The following GPC6 variants were observed in gnomAD, a reference collection of about 807,000 sequenced individuals.
GPC6 encodes the protein glypican 6, also known as glypican-6.
In GPC6, 14 loss-of-function variants were observed where a neutral mutation model predicts 55.2. That is an observed-to-expected ratio of 0.25 (90% CI 0.17 to 0.40). The LOEUF is 0.40. Among genes scored for constraint, GPC6 ranks in the 10% least tolerant of loss-of-function variants. GPC6 has a pLI of 1.00. For synonymous variants in GPC6, 278 were observed against 259.6 expected, an observed-to-expected ratio of 1.07 and a Z score of -0.68; for missense variants, 641 against 708.5, an observed-to-expected ratio of 0.90 and a Z score of 1.08.
At chr13:94,017,547 A>T (rs1882516596) in intron 3 of GPC6, among the ~76,000 whole-genome samples, 1 of 152,288 alleles carries the variant, frequency 6.6e-6, no homozygotes, top group East Asian at 1.9e-4. Context: ...ATTCAAAATT[A>T]TCTCCTAGGC....
At chr13:93,805,722 C>A (rs1886524432) in intron 2 of GPC6, among the ~76,000 whole-genome samples, 1 of 152,122 alleles carries the variant, frequency 6.6e-6, no homozygotes, top group East Asian at 1.9e-4. Flanking sequence ...TTGATCATCC[C>A]CTCCAATCTT....
chr13:94,286,281 GT>G, intron 4 of GPC6, 67 bp from the exon 5 acceptor site: 1 of 1,560,578 alleles, frequency 6.4e-7, no homozygotes, highest in Non-Finnish European at 8.8e-7. Flanking sequence ...TTTTAACAAT[GT>G]TTAAACACAG....
At chr13:93,330,525 CA>C (rs10709603) in intron 1 of GPC6, among the ~76,000 whole-genome samples, 29,428 of 144,030 alleles carry the variant, frequency 0.2, 3,617 homozygotes, top group East Asian at 0.42. Context: ...GACTCTGTTT[CA>C]AAAAAAAAAA....
At chr13:93,537,451 A>G (rs1882105518) in intron 1 of GPC6, among the ~76,000 whole-genome samples, 1 of 152,226 alleles carries the variant, frequency 6.6e-6, no homozygotes, top group Non-Finnish European at 1.5e-5. Context: ...CTTTGTGGAC[A>G]TCAATCAGTT....
At chr13:94,168,969 G>A (rs1180896938) in intron 4 of GPC6, among the ~76,000 whole-genome samples, 3 of 152,102 alleles carry the variant, frequency 2.0e-5, no homozygotes, top group African/African-American at 7.2e-5. Context: ...GTGGGCGTGG[G>A]GATAGAAGTT....
intron 1 of GPC6, among the ~76,000 whole-genome samples, chr13:93,277,497 C>T (rs1686228010): frequency 6.6e-6 from 1 of 152,168 alleles, no homozygotes; most frequent in African/African-American, 2.4e-5. Flanking sequence ...AATGCTTTCA[C>T]TTCACAAAAA....
At chr13:93,260,603 G>T (rs1322629362) in intron 1 of GPC6, among the ~76,000 whole-genome samples, 1 of 151,986 alleles carries the variant, frequency 6.6e-6, no homozygotes, top group Non-Finnish European at 1.5e-5. Flanking sequence ...CTAGAACATT[G>T]TTGTATTTAA....
At chr13:93,454,086 T>A (rs1484562198) in intron 1 of GPC6, among the ~76,000 whole-genome samples, 1 of 152,060 alleles carries the variant, frequency 6.6e-6, no homozygotes, top group Non-Finnish European at 1.5e-5. Flanking sequence ...ACACAAAGGT[T>A]CTCCAAGGCC....
intron 2 of GPC6, among the ~76,000 whole-genome samples, chr13:93,600,949 CAAAAA>C (rs1196219049): frequency 3.7e-5 from 1 of 27,024 alleles, no homozygotes. Context: ...AATTCCGCCT[CAAAAA>C]AAAAAAAAAA....
intron 4 of GPC6, among the ~76,000 whole-genome samples, chr13:94,116,563 CCTGT>C: frequency 6.6e-6 from 1 of 152,040 alleles, no homozygotes; most frequent in African/African-American, 2.4e-5. Flanking sequence ...TGGTTTCTTT[CCTGT>C]CATATTATCC....
chr13:94,192,539 C>T (rs957325671), intron 4 of GPC6, among the ~76,000 whole-genome samples: 1 of 152,162 alleles, frequency 6.6e-6, no homozygotes, highest in Non-Finnish European at 1.5e-5. Flanking sequence ...GATTAGTCAA[C>T]GTGCCAGTAA....
Position 94,188,800 on chromosome 13 carries a change from C to T in GPC6, c.878-97549C>T, listed in dbSNP as rs1203921184. On this transcript the variant is annotated intron_variant, in intron 4 of 8. Transcript: ENST00000377047. ...GGTGACCGATTTGTTATCAGAGCTC[C>T]TTCATACTAAAGAAAGAGAGACTGA... 2.6e-5 allele frequency among the ~76,000 whole-genome samples: 4 copies of T among 152,136 alleles called. No homozygotes were observed. The East Asian group carries it at 7.7e-4, about 29-fold the overall frequency.
At chr13:94,295,445 G>A (rs978800589) in intron 5 of GPC6, among the ~76,000 whole-genome samples, 22 of 152,078 alleles carry the variant, frequency 1.4e-4, no homozygotes, top group Admixed American at 1.1e-3. Context: ...ACCTAAGGTC[G>A]GAAGATCAGA....
chr13:93,353,065 C>T (rs1880688793), intron 1 of GPC6, among the ~76,000 whole-genome samples: 1 of 152,064 alleles, frequency 6.6e-6, no homozygotes, highest in East Asian at 1.9e-4. Context: ...ATTGCATGTA[C>T]TTCTTTACAT....
chr13:93,657,931 A>C (rs949110858), intron 2 of GPC6, among the ~76,000 whole-genome samples: 1 of 152,062 alleles, frequency 6.6e-6, no homozygotes, highest in Non-Finnish European at 1.5e-5. Context: ...CAGAATGGCT[A>C]TTTAAAATAA....
intron 1 of GPC6, among the ~76,000 whole-genome samples, chr13:93,287,150 A>C (rs1005814799): frequency 2.6e-5 from 4 of 152,164 alleles, no homozygotes; most frequent in African/African-American, 9.7e-5. Context: ...ACAAAATCTG[A>C]ACATGTCTGA....
chr13:94,179,668 G>T (rs920841176), intron 4 of GPC6, among the ~76,000 whole-genome samples: 7 of 152,106 alleles, frequency 4.6e-5, no homozygotes, highest in Non-Finnish European at 1.0e-4. Flanking sequence ...CAAGCTTTTT[G>T]ACAGGCTTTC....
intron 1 of GPC6, among the ~76,000 whole-genome samples, chr13:93,292,290 T>A (rs1199404908): frequency 6.6e-6 from 1 of 152,210 alleles, no homozygotes; most frequent in Non-Finnish European, 1.5e-5. Context: ...CTACCTCATG[T>A]GAATACTTTT....
At chr13:93,936,593 T>C (rs934227033) in intron 3 of GPC6, among the ~76,000 whole-genome samples, 4 of 152,218 alleles carry the variant, frequency 2.6e-5, no homozygotes, top group Non-Finnish European at 5.9e-5. Flanking sequence ...AATTACATTA[T>C]GCACCTACTC....
Sources: allele counts gnomAD v4.1 joint callset (sites outside exome capture counted in the v4.1 genomes callset), GRCh38; gene constraint gnomAD v4.1.1; transcripts MANE v1.5; gene names NCBI Gene and HGNC (gene_info 2026-07-23, HGNC 2026-07-21).